PRKD1: variants seen among roughly 807,000 people sequenced by gnomAD.
PRKD1 encodes protein kinase D1, also known as serine/threonine-protein kinase D1.
PRKD1 carries 63 observed loss-of-function variants against 95.9 expected under a neutral mutation model. The observed-to-expected ratio is 0.66, with a 90% confidence interval of 0.54 to 0.81. The LOEUF (loss-of-function observed/expected upper bound fraction) is 0.81. Ranked by LOEUF, PRKD1 falls within the 30% of genes least tolerant of loss-of-function variation. The probability of loss-of-function intolerance (pLI) is 0.00; values close to 1 mark genes in which losing one functional copy is unlikely to be tolerated. For missense variants in PRKD1, 1,048 were observed against 1,165.3 expected (o/e 0.90, Z 1.47); for synonymous variants, 425 against 423.1 (o/e 1.00, Z -0.05).
intron 1 of PRKD1, among the ~76,000 whole-genome samples, chr14:29,741,612 G>T (rs1594475662): frequency 6.6e-6 from 1 of 151,966 alleles, no homozygotes; most frequent in African/African-American, 2.4e-5. Context: ...CGTCAGATAA[G>T]GAACGACACA....
At chr14:29,847,189 A>G (rs1314462035) in intron 1 of PRKD1, among the ~76,000 whole-genome samples, 1 of 152,098 alleles carries the variant, frequency 6.6e-6, no homozygotes, top group African/African-American at 2.4e-5. Flanking sequence ...CTTCATTCTA[A>G]CCATTGTTCC....
chr14:29,729,535 C>T (rs1020230913), intron 1 of PRKD1, among the ~76,000 whole-genome samples: 3 of 151,936 alleles, frequency 2.0e-5, no homozygotes, highest in African/African-American at 7.2e-5. Flanking sequence ...TTTCTTATAT[C>T]CTTTCTTTTT....
chr14:29,716,897 TGAAA>T (rs1245430926), intron 2 of PRKD1, among the ~76,000 whole-genome samples: 1 of 152,038 alleles, frequency 6.6e-6, no homozygotes, highest in Non-Finnish European at 1.5e-5. Context: ...AGAAATACTG[TGAAA>T]GAAACTGCAA....
At chr14:29,870,392 A>G (rs1274437965) in intron 1 of PRKD1, among the ~76,000 whole-genome samples, 9 of 151,552 alleles carry the variant, frequency 5.9e-5, no homozygotes, top group East Asian at 1.9e-4. Context: ...GCAGGTGTAG[A>G]AAAAAAAAGG....
intron 2 of PRKD1, among the ~76,000 whole-genome samples, chr14:29,688,081 T>C (rs1023015581): frequency 6.6e-6 from 1 of 152,206 alleles, no homozygotes; most frequent in African/African-American, 2.4e-5. Context: ...CTTCTGGAGT[T>C]TCCTGGAAAT....
chr14:29,895,057 C>T (rs148267562), intron 1 of PRKD1, among the ~76,000 whole-genome samples: 3 of 152,194 alleles, frequency 2.0e-5, no homozygotes, highest in East Asian at 1.9e-4. Context: ...AATAGCCGGG[C>T]GCTGTGGCTC....
intron 1 of PRKD1, among the ~76,000 whole-genome samples, chr14:29,925,063 TA>T (rs1227476560): frequency 6.0e-5 from 9 of 151,052 alleles, no homozygotes; most frequent in African/African-American, 1.2e-4. Flanking sequence ...TTTTATAACC[TA>T]AAAAAAAAGT....
At chr14:29,641,898 C>CTTT (rs751584936) in intron 4 of PRKD1, among the ~76,000 whole-genome samples, 153 of 116,670 alleles carry the variant, frequency 1.3e-3, no homozygotes, top group African/African-American at 1.6e-3. Context: ...AAAAATATTT[C>CTTT]TTTTTTTTTT....
chr14:29,763,748 TA>T lies in PRKD1; in HGVS notation c.265-38075del, dbSNP rs879412486. Among the ~76,000 whole-genome samples, 9 of 152,114 alleles carry T rather than the reference TA, an allele frequency of 5.9e-5. No individual in the cohort carries two copies. In the East Asian group the frequency reaches 1.5e-3, roughly 26 times the overall value. On this transcript the variant is annotated intron_variant, in intron 1 of 17. Coordinates refer to ENST00000331968, the MANE Select transcript of PRKD1 (RefSeq NM_002742.3). ...GATACTGGAGGGGGAACTGAGCACTTAAAGACTCCTCTTTTTGCAGCTGCAA... is the reference window on the plus strand; with the variant it reads ...GATACTGGAGGGGGAACTGAGCACTTAAGACTCCTCTTTTTGCAGCTGCAA...
chr14:29,649,775 T>C (rs1055621149), intron 4 of PRKD1, among the ~76,000 whole-genome samples: 1 of 152,232 alleles, frequency 6.6e-6, no homozygotes. Flanking sequence ...AAGCCTTTTT[T>C]AAAGTTTTTT....
chr14:29,654,266 G>A (rs567351125), intron 4 of PRKD1, among the ~76,000 whole-genome samples: 12 of 152,092 alleles, frequency 7.9e-5, no homozygotes, highest in African/African-American at 2.9e-4. Context: ...CTGCCTCTCG[G>A]GTTCAAGCAA....
chr14:29,653,606 T>C (rs1309774895), intron 4 of PRKD1, among the ~76,000 whole-genome samples: 1 of 152,148 alleles, frequency 6.6e-6, no homozygotes, highest in Non-Finnish European at 1.5e-5. Context: ...CCTCAACTGC[T>C]TGACAAAAAT....
chr14:29,841,791 T>C (rs1329551181), intron 1 of PRKD1, among the ~76,000 whole-genome samples: 2 of 152,068 alleles, frequency 1.3e-5, no homozygotes, highest in African/African-American at 4.8e-5. Flanking sequence ...ACTGTGACTG[T>C]TTTTACTTTT....
At chr14:29,906,532 CA>C (rs199826591) in intron 1 of PRKD1, among the ~76,000 whole-genome samples, 63 of 138,670 alleles carry the variant, frequency 4.5e-4, no homozygotes, top group Middle Eastern at 3.7e-3. Context: ...TCAATTTAAC[CA>C]AAAAAAAAAA....
chr14:29,921,486 G>A (rs1057265516), intron 1 of PRKD1, among the ~76,000 whole-genome samples: 7 of 152,030 alleles, frequency 4.6e-5, no homozygotes, highest in Non-Finnish European at 7.4e-5. Flanking sequence ...TATTATGCAC[G>A]TATTTACAAA....
intron 1 of PRKD1, among the ~76,000 whole-genome samples, chr14:29,796,353 T>G (rs1008875773): frequency 2.0e-5 from 3 of 152,158 alleles, no homozygotes; most frequent in Non-Finnish European, 4.4e-5. Context: ...AATTATCACT[T>G]TATTGATTCT....
At chr14:29,892,438 CAA>C (rs201359274) in intron 1 of PRKD1, among the ~76,000 whole-genome samples, 12,446 of 131,640 alleles carry the variant, frequency 0.095, 961 homozygotes, top group African/African-American at 0.22. Context: ...GCCACCCATA[CAA>C]AAAAAAAAAA....
chr14:29,638,309 T>C (rs374131039), intron 6 of PRKD1, 180 bp downstream of exon 6: 1 of 629,356 alleles, frequency 1.6e-6, no homozygotes, highest in Non-Finnish European at 2.8e-6. Flanking sequence ...CTTTGACTGT[T>C]ATCAAAACTC....
chr14:29,625,889 C>G (rs1402835555), intron 12 of PRKD1, among the ~76,000 whole-genome samples: 1 of 151,868 alleles, frequency 6.6e-6, no homozygotes, highest in Non-Finnish European at 1.5e-5. Context: ...GCAGGTAAAG[C>G]ATTAATATTA....
Sources: gnomAD v4.1 joint callset for allele counts (sites outside exome capture counted in the v4.1 genomes callset) on GRCh38, gnomAD v4.1.1 for gene constraint, MANE v1.5 for transcripts, NCBI Gene and HGNC (gene_info 2026-07-23, HGNC 2026-07-21) for gene names.